DHRS3: variants seen among roughly 807,000 people sequenced by gnomAD.
The protein encoded by DHRS3 is short-chain dehydrogenase/reductase 3.
A neutral mutation model predicts 27.2 loss-of-function variants in DHRS3; 14 were observed. The observed-to-expected ratio is 0.52, with a 90% CI of 0.34 to 0.81. DHRS3 has a LOEUF of 0.81. Ranked by LOEUF, DHRS3 falls within the 30% of genes least tolerant of loss-of-function variation. DHRS3 has a pLI of 0.01. For missense variants in DHRS3, 322 were observed against 406.2 expected (o/e 0.79, Z 1.78); for synonymous variants, 165 against 175.9 (o/e 0.94, Z 0.49).
chr1:12,606,987 GT>G (rs1175309545), intron 1 of DHRS3, among the ~76,000 whole-genome samples: 1 of 152,160 alleles, frequency 6.6e-6, no homozygotes, highest in African/African-American at 2.4e-5. Context: ...CATGGCAATA[GT>G]TTTTTTGGGA....
chr1:12,589,888 T>A (rs2100687152), intron 1 of DHRS3, among the ~76,000 whole-genome samples: 1 of 151,666 alleles, frequency 6.6e-6, no homozygotes. Context: ...CAGAAATAGA[T>A]CCCCCTTTGC....
intron 1 of DHRS3, among the ~76,000 whole-genome samples, chr1:12,610,938 A>C (rs183881064): frequency 1.7e-4 from 26 of 152,272 alleles, no homozygotes; most frequent in Non-Finnish European, 2.5e-4. Flanking sequence ...ACTGATGCTC[A>C]AAACTGTGGT....
chr1:12,608,286 T>C lies in DHRS3; in HGVS notation c.195+8868A>G, dbSNP rs1237163512. On this transcript the variant is annotated intron_variant, in intron 1 of 5. Transcript: ENST00000616661. This position sits in a 1 kb window ranked among gnomAD's most constrained non-coding sequence, Gnocchi z 4.1. ...CCAATCGTGTATGGTACCACAGACA[T>C]GTAGAGTACCACGGTCATGAATATT... Among the ~76,000 whole-genome samples, 3 of 152,158 alleles carry C rather than the reference T, an allele frequency of 2.0e-5. No individual in the cohort carries two copies. Among genetic ancestry groups the C allele is most frequent in the African/African-American group, 7.2e-5 (3 of 41,418 alleles).
At chr1:12,569,738 G>T (rs1254431868) in intron 5 of DHRS3, among the ~76,000 whole-genome samples, 1 of 152,124 alleles carries the variant, frequency 6.6e-6, no homozygotes, top group Non-Finnish European at 1.5e-5. Flanking sequence ...CCTAATTTCT[G>T]TATTTTTAGT....
chr1:12,578,678 T>A lies in DHRS3; in HGVS notation c.698+40A>T. The A allele has an allele frequency of 6.3e-7, 1 of 1,579,648 alleles. No homozygotes were observed. Among genetic ancestry groups the A allele is most frequent in the Non-Finnish European group, 8.7e-7 (1 of 1,150,576 alleles). On this transcript the variant is annotated intron_variant, in intron 4 of 5. Coordinates refer to ENST00000616661, the MANE Select transcript of DHRS3 (RefSeq NM_004753.7). The surrounding 1 kb of genome is among the most constrained non-coding windows in gnomAD (Gnocchi z 4.5). The stretch of plus-strand genomic sequence containing the variant: ...TGACTGAATGGCTTGGGGAGGCAGG[T>A]GAGAAGGCTGGTCTCAAGGTGGGTC...
chr1:12,577,371 A>T (rs61776828), intron 4 of DHRS3, among the ~76,000 whole-genome samples: 2 of 151,982 alleles, frequency 1.3e-5, no homozygotes, highest in South Asian at 2.1e-4. Context: ...CTTGCAGATC[A>T]GCCACAGCAG....
In DHRS3 at chr1:12,568,232, G is replaced by A. The variant is rs1476296697; in HGVS notation, c.*108C>T. ...GGATTCTTCGCTGGGGACAGGAGCT[G>A]TCCTGCTCACCCAGCAGAAGCATGC... On this transcript the variant is annotated 3_prime_UTR_variant, in exon 6 of 6. Coordinates refer to ENST00000616661, the MANE Select transcript of DHRS3 (RefSeq NM_004753.7). 3 of 1,078,458 alleles carry A rather than the reference G, an allele frequency of 2.8e-6. No homozygotes were observed. Among genetic ancestry groups the A allele is most frequent in the Non-Finnish European group, 4.3e-6 (3 of 705,300 alleles). The allele number at this position is 1,078,458 out of a possible 1,614,324, so 66.8% of individuals were successfully genotyped here.
At chr1:12,569,860 C>T (rs1646520371) in intron 5 of DHRS3, 1 of 152,218 alleles carries the variant, frequency 6.6e-6, no homozygotes, top group African/African-American at 2.4e-5. Flanking sequence ...GCCACTGCGC[C>T]CGGCCCTTTT....
chr1:12,604,913 C>T (rs895010104), intron 1 of DHRS3, among the ~76,000 whole-genome samples: 5 of 151,970 alleles, frequency 3.3e-5, no homozygotes, highest in Admixed American at 1.3e-4. Flanking sequence ...GCTGGGGTGG[C>T]GCATGCCTGT....
chr1:12,600,330 G>A (rs78807871), intron 1 of DHRS3: 106,350 of 983,842 alleles, frequency 0.11, 6,225 homozygotes, highest in East Asian at 0.24. Flanking sequence ...GTGAGCCCTC[G>A]GAGGGCACCA....
At chr1:12,584,271 G>A (rs1646672797) in intron 1 of DHRS3, among the ~76,000 whole-genome samples, 1 of 152,132 alleles carries the variant, frequency 6.6e-6, no homozygotes, top group Non-Finnish European at 1.5e-5. Flanking sequence ...GACCTAGCTG[G>A]AAGACCACCC....
At chr1:12,579,958 G>A (rs41279480) in intron 2 of DHRS3, 4,960 of 182,616 alleles carry the variant, frequency 0.027, 104 homozygotes, top group South Asian at 0.046. Context: ...CCACCTGGCC[G>A]TACCACCAGC....
intron 1 of DHRS3, among the ~76,000 whole-genome samples, chr1:12,595,696 G>A (rs1646790615): frequency 6.6e-6 from 1 of 151,620 alleles, no homozygotes; most frequent in East Asian, 2.0e-4. Flanking sequence ...AAGGAAGGCC[G>A]AGGTGCGGTC....
At chr1:12,613,514 G>A in intron 1 of DHRS3, among the ~76,000 whole-genome samples, 1 of 152,194 alleles carries the variant, frequency 6.6e-6, no homozygotes, top group East Asian at 1.9e-4. Context: ...GGTGTCAAGG[G>A]ACTTATAAGC....
intron 1 of DHRS3, among the ~76,000 whole-genome samples, chr1:12,604,764 C>G (rs1012410673): frequency 6.6e-6 from 1 of 152,214 alleles, no homozygotes; most frequent in Non-Finnish European, 1.5e-5. Context: ...GAAATGCGTG[C>G]TGCTGGCCGG....
In DHRS3 at chr1:12,578,980, G is replaced by A. The variant is rs768696062; in HGVS notation, c.460-24C>T. 72 of 1,595,110 alleles carry A rather than the reference G, an allele frequency of 4.5e-5. No individual in the cohort carries two copies. The highest frequency in any genetic ancestry group is 5.8e-5 in the Non-Finnish European group (68 of 1,167,658). On this transcript the variant is annotated intron_variant, in intron 3 of 5. Coordinates refer to ENST00000616661, the MANE Select transcript of DHRS3 (RefSeq NM_004753.7). This position sits in a 1 kb window ranked among gnomAD's most constrained non-coding sequence, Gnocchi z 4.5. ...GTCTGAGGGCAGATGGGGTGTCAGG[G>A]TGGAGCAGCTGCAGCTCTGACAACC...
intron 1 of DHRS3, among the ~76,000 whole-genome samples, chr1:12,585,681 C>T (rs1481163653): frequency 3.9e-5 from 6 of 152,206 alleles, no homozygotes; most frequent in South Asian, 4.1e-4. Flanking sequence ...GCGTCACTGA[C>T]CAGGTAACTG....
chr1:12,596,291 G>T (rs1164641351), intron 1 of DHRS3: 1 of 152,224 alleles, frequency 6.6e-6, no homozygotes, highest in East Asian at 1.9e-4. Flanking sequence ...CTCCTCTAGG[G>T]TCTCTGTCTC....
At position 12,603,624 on chromosome 1, in the gene DHRS3, G is replaced by A. The variant is rs558386073; in HGVS notation, c.195+13530C>T. ...CCGCATGGGGACCGCGGGGCTTGGAGGCTGGTAGAAGTGGTTGGGGGAGGT... is the reference window on the plus strand; with the variant it reads ...CCGCATGGGGACCGCGGGGCTTGGAAGCTGGTAGAAGTGGTTGGGGGAGGT... On this transcript the variant is annotated intron_variant, in intron 1 of 5. Coordinates refer to ENST00000616661, the MANE Select transcript of DHRS3 (RefSeq NM_004753.7). Among the ~76,000 whole-genome samples, 9 of 152,282 alleles carry A rather than the reference G, an allele frequency of 5.9e-5. No homozygotes were observed. The South Asian group carries it at 1.9e-3, about 32-fold the overall frequency.
Sources: allele counts gnomAD v4.1 joint callset (sites outside exome capture counted in the v4.1 genomes callset), GRCh38; gene constraint gnomAD v4.1.1; non-coding constraint Gnocchi (gnomAD v3.1); transcripts MANE v1.5; gene names NCBI Gene and HGNC (gene_info 2026-07-23, HGNC 2026-07-21).